The following CDC14A variants were observed in gnomAD, a reference collection of about 807,000 sequenced individuals.
CDC14A encodes cell division cycle 14A, also known as dual specificity protein phosphatase CDC14A.
CDC14A carries 53 observed loss-of-function variants against 74.4 expected under a neutral mutation model. That is an observed-to-expected ratio of 0.71 (90% CI 0.57 to 0.89). The LOEUF (loss-of-function observed/expected upper bound fraction) is 0.89. CDC14A is among the 40% of genes least tolerant of loss of function. The pLI is 0.00. For missense variants in CDC14A, 646 were observed against 713.7 expected (o/e 0.91, Z 1.08); for synonymous variants, 247 against 258.4 (o/e 0.96, Z 0.43).
At chr1:100,411,661 A>G (rs1423950440) in intron 4 of CDC14A, among the ~76,000 whole-genome samples, 4 of 152,098 alleles carry the variant, frequency 2.6e-5, no homozygotes, top group African/African-American at 9.7e-5. Flanking sequence ...GGGAAATAGT[A>G]TTTTCCTCTC....
intron 4 of CDC14A, among the ~76,000 whole-genome samples, chr1:100,422,491 T>C (rs1557743374): frequency 6.6e-6 from 1 of 152,216 alleles, no homozygotes; most frequent in Non-Finnish European, 1.5e-5. Context: ...AATTCTGTTA[T>C]ATAACCTACC....
chr1:100,496,194 C>A (rs752602144), intron 13 of CDC14A, 145 bp downstream of exon 13: 1 of 654,962 alleles, frequency 1.5e-6, no homozygotes, highest in Non-Finnish European at 2.6e-6. Flanking sequence ...ATTGTTTATG[C>A]CTTATTTTTA....
At chr1:100,430,994 T>A (rs935193436) in intron 5 of CDC14A, among the ~76,000 whole-genome samples, 1 of 152,222 alleles carries the variant, frequency 6.6e-6, no homozygotes, top group African/African-American at 2.4e-5. Context: ...CTAGTGGGGA[T>A]GTGCCAATTT....
chr1:100,420,061 CA>C (rs1214087554), intron 4 of CDC14A, among the ~76,000 whole-genome samples: 2 of 61,784 alleles, frequency 3.2e-5, no homozygotes, highest in African/African-American at 7.9e-5. Context: ...CACACACACA[CA>C]CATATATATA....
In CDC14A at chr1:100,508,821, A is replaced by G. The variant is rs978315944; in HGVS notation, c.1756-9430A>G. 6.6e-6 allele frequency among the ~76,000 whole-genome samples: 1 copy of G among 152,246 alleles called. No homozygotes were observed. Among genetic ancestry groups the G allele is most frequent in the Admixed American group, 6.5e-5 (1 of 15,284 alleles). The stretch of plus-strand genomic sequence containing the variant: ...TCTGCAGGCTTCCAGCTGTGTAGCC[A>G]GAGTCCCACCACTGTCTTGATTGTT... On this transcript the variant is annotated intron_variant, in intron 15 of 15. Coordinates refer to ENST00000336454, the MANE Select transcript of CDC14A (RefSeq NM_003672.4). This position sits in a 1 kb window ranked among gnomAD's most constrained non-coding sequence, Gnocchi z 4.4.
At chr1:100,351,298 T>C (rs937542486), upstream of CDC14A, among the ~76,000 whole-genome samples, 3 of 151,568 alleles carry the variant, frequency 2.0e-5, no homozygotes, top group East Asian at 5.8e-4. Flanking sequence ...GCCCCCTTTC[T>C]CCCTAGAGGT....
intron 15 of CDC14A, 196 bp downstream of exon 15, chr1:100,499,458 C>G (rs1456637480): frequency 2.0e-6 from 3 of 1,468,942 alleles, no homozygotes; most frequent in South Asian, 3.1e-5. Context: ...CGCCAAGTCA[C>G]AACTGGGTTT....
chr1:100,402,630 T>A (rs1186458857), intron 4 of CDC14A, among the ~76,000 whole-genome samples: 1 of 152,184 alleles, frequency 6.6e-6, no homozygotes, highest in Non-Finnish European at 1.5e-5. Flanking sequence ...CAGTCCTGCT[T>A]TGTCATATTT....
chr1:100,391,848 G>T (rs1657755202), intron 4 of CDC14A, among the ~76,000 whole-genome samples: 1 of 152,212 alleles, frequency 6.6e-6, no homozygotes, highest in African/African-American at 2.4e-5. Flanking sequence ...CTGGGGCCTT[G>T]CTTGTAGCAC....
Position 100,499,227 on chromosome 1 carries a change from T to C in CDC14A, c.1720T>C (p.Ser574Pro), listed in dbSNP as rs771235153. 1 of 1,614,148 alleles carries C rather than the reference T, an allele frequency of 6.2e-7. No homozygotes were observed. Among genetic ancestry groups the C allele is most frequent in the African/African-American group, 1.3e-5 (1 of 75,034 alleles). Residue 574 changes from serine to proline, a missense_variant, in exon 15 of 16, where the codon TCT becomes CCT. Coordinates refer to ENST00000336454, the MANE Select transcript of CDC14A (RefSeq NM_003672.4). Reference sequence around the variant, plus strand: ...CCGACCCTCCTACACCGGGCTTTCTTCTTCTTCAGCGAGATTCCTGAGCCG... The same window carrying C: ...CCGACCCTCCTACACCGGGCTTTCTCCTTCTTCAGCGAGATTCCTGAGCCG... Reference protein sequence around the residue: ...ILRPSYTGLSSSSARFLSRSI... With the variant: ...ILRPSYTGLSPSSARFLSRSI...
At chr1:100,484,171 T>A in intron 10 of CDC14A, 121 bp from the exon 11 acceptor site, 1 of 545,324 alleles carries the variant, frequency 1.8e-6, no homozygotes, top group Non-Finnish European at 3.0e-6. Context: ...TCTAGTCTGA[T>A]TTGTAAATGC....
intron 4 of CDC14A, chr1:100,393,275 A>T (rs1332390169): frequency 1.5e-6 from 2 of 1,326,250 alleles, no homozygotes; most frequent in African/African-American, 2.9e-5. Flanking sequence ...GTTCAATCAT[A>T]TGAACTAGAT....
chr1:100,441,237 A>G (rs1664892679), intron 6 of CDC14A, among the ~76,000 whole-genome samples: 1 of 152,208 alleles, frequency 6.6e-6, no homozygotes, highest in Non-Finnish European at 1.5e-5. Flanking sequence ...TGTAGAGGAA[A>G]GGTATGTAAA....
intron 15 of CDC14A, among the ~76,000 whole-genome samples, chr1:100,514,816 T>C (rs575862786): frequency 1.3e-5 from 2 of 152,328 alleles, no homozygotes; most frequent in East Asian, 3.9e-4. Flanking sequence ...TCTAATTTGT[T>C]AAGAAGTTCA....
At chr1:100,511,165 C>T (rs1394260980) in intron 15 of CDC14A, among the ~76,000 whole-genome samples, 1 of 152,216 alleles carries the variant, frequency 6.6e-6, no homozygotes, top group Non-Finnish European at 1.5e-5. Flanking sequence ...TCTTACCCTC[C>T]GTTTGCAGGT....
At chr1:100,502,216 GT>G (rs1290067125) in intron 15 of CDC14A, among the ~76,000 whole-genome samples, 1 of 152,134 alleles carries the variant, frequency 6.6e-6, no homozygotes, top group Non-Finnish European at 1.5e-5. Context: ...AGGCCTTCAT[GT>G]TCACTCACCA....
In CDC14A at chr1:100,485,076, T is replaced by C. The variant is rs188368188; in HGVS notation, c.1137+625T>C. 995 of 985,414 alleles carry C rather than the reference T, an allele frequency of 1.0e-3. 13 individuals are homozygous for C. In the African/African-American group the frequency reaches 0.016, roughly 16 times the overall value. 61.0% of individuals were successfully genotyped at this position (985,414 alleles called of 1,614,324 possible). A position where few individuals can be genotyped will look rare whatever the true frequency, so the allele number is the denominator to read the frequency against. On this transcript the variant is annotated intron_variant, in intron 11 of 15. Transcript: ENST00000336454. ...CTGTCTGAGTCCAAGCTTGTGTTTT[T>C]TTATATCACACCCTGTTACCTCTGA...
chr1:100,421,553 CT>C (rs1662365574), intron 4 of CDC14A, among the ~76,000 whole-genome samples: 1 of 152,144 alleles, frequency 6.6e-6, no homozygotes, highest in African/African-American at 2.4e-5. Context: ...TGCCCTTTTC[CT>C]CAAATGTGAC....
chr1:100,487,572 G>GAACGAAACAA (rs35371089), intron 11 of CDC14A, among the ~76,000 whole-genome samples: 1 of 150,974 alleles, frequency 6.6e-6, no homozygotes, highest in African/African-American at 2.5e-5. Context: ...AAACAAAACA[G>GAACGAAACAA]AACAAAACAA....
Sources: allele counts gnomAD v4.1 joint callset (sites outside exome capture counted in the v4.1 genomes callset), GRCh38; gene constraint gnomAD v4.1.1; non-coding constraint Gnocchi (gnomAD v3.1); transcripts MANE v1.5; gene names NCBI Gene and HGNC (gene_info 2026-07-23, HGNC 2026-07-21).